Variants in NPC2 observed in about 807,000 individuals in gnomAD.
NPC2 encodes Niemann-Pick disease type C2 protein.
NPC2 carries 14 observed loss-of-function variants against 17.0 expected under a neutral mutation model. The ratio of observed to expected loss-of-function variants is 0.82; its 90% CI spans 0.54 to 1.29. The LOEUF (loss-of-function observed/expected upper bound fraction) is 1.29, where lower values mean the gene tolerates loss of function less well. Among genes scored for constraint, NPC2 ranks in the 50% most tolerant of loss-of-function variants. NPC2 has a pLI of 0.00. For missense variants in NPC2, 167 were observed against 183.4 expected (o/e 0.91, Z 0.52); for synonymous variants, 75 against 69.3 (o/e 1.08, Z -0.41).
intron 3 of NPC2, among the ~76,000 whole-genome samples, chr14:74,481,406 G>A (rs1329719328): frequency 6.6e-6 from 1 of 152,210 alleles, no homozygotes. Flanking sequence ...TTGCTGAACC[G>A]TGAGCTGATC....
intron 2 of NPC2, 106 bp from the exon 3 acceptor site, chr14:74,484,693 T>C: frequency 8.2e-7 from 1 of 1,213,736 alleles, no homozygotes; most frequent in Non-Finnish European, 1.2e-6. Context: ...TAGGGTCTAT[T>C]TCTCTTGATA....
intron 1 of NPC2, among the ~76,000 whole-genome samples, chr14:74,492,813 G>T (rs1371003080): frequency 6.6e-6 from 1 of 152,240 alleles, no homozygotes; most frequent in Non-Finnish European, 1.5e-5. Context: ...AAAAGGAGTT[G>T]GAAGGGGGAG....
chr14:74,490,779 G>C lies in NPC2; in HGVS notation c.82+2414C>G, dbSNP rs964127378. ...TGTAGAGTGGAACACAAAAATCTTT[G>C]ATGTGGGCACTGAAGTCTTTATATC... On this transcript the variant is annotated intron_variant, in intron 1 of 4. Coordinates refer to ENST00000555619, the MANE Select transcript of NPC2 (RefSeq NM_006432.5). Among the ~76,000 whole-genome samples, 12 of 152,336 alleles carry C rather than the reference G, an allele frequency of 7.9e-5. No homozygotes were observed. The South Asian group carries it at 2.3e-3, about 29-fold the overall frequency.
intron 1 of NPC2, among the ~76,000 whole-genome samples, chr14:74,489,716 T>G (rs1290970333): frequency 6.6e-6 from 1 of 152,234 alleles, no homozygotes; most frequent in Non-Finnish European, 1.5e-5. Flanking sequence ...GCAGGTGAAC[T>G]GCCTGATAAC....
At position 74,488,808 on chromosome 14, in the gene NPC2, A is replaced by G. The variant is rs140770768; in HGVS notation, c.83-2372T>C. 2.0e-5 allele frequency among the ~76,000 whole-genome samples: 3 copies of G among 152,296 alleles called. No individual in the cohort carries two copies. In the East Asian group the frequency reaches 5.8e-4, roughly 29 times the overall value. On this transcript the variant is annotated intron_variant, in intron 1 of 4. Coordinates refer to ENST00000555619, the MANE Select transcript of NPC2 (RefSeq NM_006432.5). ...AATTTAAGAGGAACTACCACTTAAC[A>G]CTGAACAGAGGAGTGACCCTAAACA...
chr14:74,490,668 C>T (rs1337295864), intron 1 of NPC2, among the ~76,000 whole-genome samples: 1 of 152,196 alleles, frequency 6.6e-6, no homozygotes, highest in Non-Finnish European at 1.5e-5. Flanking sequence ...AGAACAAACT[C>T]CTCTGTTCTA....
chr14:74,483,402 C>A, intron 3 of NPC2: 1 of 1,487,928 alleles, frequency 6.7e-7, no homozygotes, highest in South Asian at 1.2e-5. Flanking sequence ...TCTGCAAAGT[C>A]AAAGGTCAAT....
chr14:74,489,956 T>A (rs2086754288), intron 1 of NPC2, among the ~76,000 whole-genome samples: 1 of 152,272 alleles, frequency 6.6e-6, no homozygotes, highest in African/African-American at 2.4e-5. Context: ...ACTATTATTA[T>A]CATATCTGGA....
intron 4 of NPC2, 197 bp from the exon 5 acceptor site, chr14:74,480,485 C>A: frequency 1.3e-6 from 1 of 762,596 alleles, no homozygotes; most frequent in Non-Finnish European, 2.3e-6. Context: ...ACTCTCTCTT[C>A]TTTCCTTCAA....
intron 1 of NPC2, among the ~76,000 whole-genome samples, chr14:74,492,917 C>G (rs1371797059): frequency 1.3e-5 from 2 of 152,334 alleles, no homozygotes; most frequent in East Asian, 3.9e-4. Context: ...GTCCGCCCTA[C>G]AAACTTTAGG....
intron 1 of NPC2, among the ~76,000 whole-genome samples, chr14:74,490,891 C>CT (rs1161261516): frequency 6.6e-6 from 1 of 152,146 alleles, no homozygotes; most frequent in African/African-American, 2.4e-5. Context: ...TGTACTCCTG[C>CT]TTTTTCAAAT....
intron 3 of NPC2, chr14:74,483,189 T>C (rs1406570203): frequency 3.5e-6 from 3 of 851,184 alleles, no homozygotes; most frequent in Non-Finnish European, 5.9e-6. Context: ...ATATGAAGAA[T>C]GGCCAAGGTT....
At chr14:74,481,142 G>A (rs1296010440) in intron 3 of NPC2, among the ~76,000 whole-genome samples, 3 of 152,254 alleles carry the variant, frequency 2.0e-5, no homozygotes, top group Non-Finnish European at 4.4e-5. Context: ...TTGGAGGTGG[G>A]CCTGGTGGGA....
intron 1 of NPC2, among the ~76,000 whole-genome samples, chr14:74,489,447 G>A (rs1341565075): frequency 6.6e-6 from 1 of 152,178 alleles, no homozygotes; most frequent in East Asian, 1.9e-4. Context: ...TGTCCAGGTT[G>A]TTTCTAAGTA....
At chr14:74,488,865 T>C (rs1473845842) in intron 1 of NPC2, among the ~76,000 whole-genome samples, 1 of 152,204 alleles carries the variant, frequency 6.6e-6, no homozygotes, top group Non-Finnish European at 1.5e-5. Flanking sequence ...GAACTAGGAA[T>C]GACCCTTAAG....
At position 74,482,712 on chromosome 14, in the gene NPC2, A is replaced by G. The variant is rs1260242484; in HGVS notation, c.363+1703T>C. 3.3e-5 allele frequency among the ~76,000 whole-genome samples: 5 copies of G among 152,324 alleles called. No individual in the cohort carries two copies. The East Asian group carries it at 9.6e-4, about 29-fold the overall frequency. ...CAAAACCTGGGCTCCACTGCTTCTTAGTGGAGTGGACTCTGTTCATATTGC... is the reference window on the plus strand; with the variant it reads ...CAAAACCTGGGCTCCACTGCTTCTTGGTGGAGTGGACTCTGTTCATATTGC... On this transcript the variant is annotated intron_variant, in intron 3 of 4. Coordinates refer to ENST00000555619, the MANE Select transcript of NPC2 (RefSeq NM_006432.5).
chr14:74,481,804 T>C (rs2139665589), intron 3 of NPC2, among the ~76,000 whole-genome samples: 1 of 152,204 alleles, frequency 6.6e-6, no homozygotes, highest in East Asian at 1.9e-4. Flanking sequence ...ATCACGTGAG[T>C]GGTCCCTTCC....
intron 3 of NPC2, chr14:74,483,580 C>G: frequency 7.8e-7 from 1 of 1,290,118 alleles, no homozygotes; most frequent in Non-Finnish European, 1.0e-6. Context: ...AAAGTGCCAG[C>G]ATTCCAGACT....
At position 74,493,097 on chromosome 14, in the gene NPC2, G is replaced by A; in HGVS notation, c.82+96C>T. The A allele has an allele frequency of 6.8e-7, 1 of 1,473,408 alleles. No individual in the cohort carries two copies. The highest frequency in any genetic ancestry group is 9.2e-7 in the Non-Finnish European group (1 of 1,085,884). 91.3% of individuals were successfully genotyped at this position (1,473,408 alleles called of 1,614,324 possible). On this transcript the variant is annotated intron_variant, in intron 1 of 4. Transcript: ENST00000555619. This position sits in a 1 kb window ranked among gnomAD's most constrained non-coding sequence, Gnocchi z 4.1. Reference sequence around the variant, plus strand: ...TCCAAGGCTCAGCCTGGCCGCCCGAGGGATCCGCCCAGCCCAGCCCCAGGG... The same window carrying A: ...TCCAAGGCTCAGCCTGGCCGCCCGAAGGATCCGCCCAGCCCAGCCCCAGGG...
Sources: allele counts gnomAD v4.1 joint callset (sites outside exome capture counted in the v4.1 genomes callset), GRCh38; gene constraint gnomAD v4.1.1; non-coding constraint Gnocchi (gnomAD v3.1); transcripts MANE v1.5; gene names NCBI Gene and HGNC (gene_info 2026-07-23, HGNC 2026-07-21).